The following PCDH15 variants were observed in gnomAD, a reference collection of about 807,000 sequenced individuals.
The protein encoded by PCDH15 is protocadherin-15.
A neutral mutation model predicts 178.5 loss-of-function variants in PCDH15; 129 were observed. The observed-to-expected ratio is 0.72, with a 90% CI of 0.63 to 0.84. The LOEUF is 0.84. Ranked by LOEUF, PCDH15 falls within the 40% of genes least tolerant of loss-of-function variation. The pLI is 0.00. For missense variants in PCDH15, 2,230 were observed against 2,099.9 expected, an observed-to-expected ratio of 1.06 and a Z score of -1.21; for synonymous variants, 800 against 732.0, an observed-to-expected ratio of 1.09 and a Z score of -1.50.
chr10:55,447,428 A>AG (rs1230919462), intron 2 of PCDH15, among the ~76,000 whole-genome samples: 3 of 152,032 alleles, frequency 2.0e-5, no homozygotes, highest in African/African-American at 7.2e-5. Context: ...TGCTTCCTTA[A>AG]TAAGCCCTTT....
At chr10:54,594,871 C>T (rs893311417) in intron 2 of PCDH15, among the ~76,000 whole-genome samples, 12 of 152,204 alleles carry the variant, frequency 7.9e-5, no homozygotes, top group African/African-American at 2.9e-4. Context: ...TGTGCCAAAA[C>T]TGCTGGCATG....
At chr10:54,855,940 G>A (rs1296273670) in intron 3 of PCDH15, among the ~76,000 whole-genome samples, 1 of 152,092 alleles carries the variant, frequency 6.6e-6, no homozygotes. Context: ...CAATTTATAG[G>A]GAAAAATAGA....
In PCDH15 at chr10:54,901,875, T is replaced by C. The variant is rs565093223; in HGVS notation, c.-79-4375A>G. Reference sequence around the variant, plus strand: ...CAATGTATTTGGGAGATAACCTAATTATTATGGAATGCATTAATTTCTTCT... The same window carrying C: ...CAATGTATTTGGGAGATAACCTAATCATTATGGAATGCATTAATTTCTTCT... On this transcript the variant is annotated intron_variant, in intron 2 of 5. Transcript: ENST00000458638. Among the ~76,000 whole-genome samples, 6 of 152,326 alleles carry C rather than the reference T, an allele frequency of 3.9e-5. No homozygotes were observed. In the East Asian group the frequency reaches 9.6e-4, roughly 24 times the overall value.
chr10:54,611,778 T>C (rs1329655300), intron 2 of PCDH15, among the ~76,000 whole-genome samples: 1 of 151,880 alleles, frequency 6.6e-6, no homozygotes, highest in Non-Finnish European at 1.5e-5. Flanking sequence ...TCATCAGCTT[T>C]CTGTATTTCT....
intron 1 of PCDH15, among the ~76,000 whole-genome samples, chr10:54,719,651 A>G (rs986525695): frequency 1.3e-5 from 2 of 151,924 alleles, no homozygotes; most frequent in African/African-American, 4.8e-5. Flanking sequence ...TGCATTAGCT[A>G]TTTGTCCTAA....
chr10:55,397,849 A>G (rs1358101146), intron 2 of PCDH15, among the ~76,000 whole-genome samples: 1 of 151,734 alleles, frequency 6.6e-6, no homozygotes. Flanking sequence ...TCGGCCTCTC[A>G]AAGTGTTGGG....
In PCDH15 at chr10:53,938,847, A is replaced by G; in HGVS notation, c.3341T>C (p.Val1114Ala). ...AGGAACTCGGAGATTGGCAAGGACC[A>G]CTTCCAGGGAATCAGCTTGGACTCG... Reference protein sequence around the residue: ...VLRVQADSLEVVLANLRVPSK... With the variant: ...VLRVQADSLEAVLANLRVPSK... The change falls in exon 25 of 38, where the codon GTG (valine) becomes GCG (alanine). Residue 1114 changes from valine to alanine, a missense_variant. By Grantham distance (64) the Val-to-Ala change is moderately conservative (BLOSUM62 0). Coordinates refer to ENST00000644397, the MANE Select transcript of PCDH15 (RefSeq NM_001384140.1). 6.2e-7 allele frequency: 1 copy of G among 1,613,618 alleles called. No homozygotes were observed. Among genetic ancestry groups the G allele is most frequent in the Non-Finnish European group, 8.5e-7 (1 of 1,179,654 alleles).
At chr10:54,784,480 G>A (rs1950658250) in intron 1 of PCDH15, among the ~76,000 whole-genome samples, 1 of 151,722 alleles carries the variant, frequency 6.6e-6, no homozygotes. Context: ...AATAAAAGTT[G>A]GTCAAAAATA....
intron 3 of PCDH15, among the ~76,000 whole-genome samples, chr10:54,465,488 T>C (rs1020401260): frequency 6.6e-6 from 1 of 152,010 alleles, no homozygotes; most frequent in Admixed American, 6.6e-5. Flanking sequence ...AGTGAGAACA[T>C]GTGATAATTG....
chr10:54,744,003 C>G (rs998086162), intron 1 of PCDH15, among the ~76,000 whole-genome samples: 4 of 152,068 alleles, frequency 2.6e-5, no homozygotes, highest in African/African-American at 9.7e-5. Flanking sequence ...TGAGCTTAAT[C>G]ACTTCCAAGT....
At chr10:54,072,868 C>T (rs1188814483) in intron 17 of PCDH15, among the ~76,000 whole-genome samples, 2 of 152,072 alleles carry the variant, frequency 1.3e-5, no homozygotes, top group Non-Finnish European at 2.9e-5. Flanking sequence ...TACATCTAGA[C>T]CACAATTTTA....
At chr10:54,134,658 C>A (rs1445066465) in intron 14 of PCDH15, among the ~76,000 whole-genome samples, 2 of 150,318 alleles carry the variant, frequency 1.3e-5, no homozygotes, top group Non-Finnish European at 1.5e-5. Context: ...GAGGCTGAGG[C>A]AGGAGAATGG....
chr10:54,930,814 C>T (rs1343412007), intron 2 of PCDH15, among the ~76,000 whole-genome samples: 2 of 152,050 alleles, frequency 1.3e-5, no homozygotes, highest in African/African-American at 2.4e-5. Flanking sequence ...GTTAATAGTT[C>T]TTGTTTGATT....
At chr10:53,857,132 T>C (rs746982830) in intron 28 of PCDH15, 43 bp downstream of exon 28, 2 of 1,329,654 alleles carry the variant, frequency 1.5e-6, no homozygotes, top group South Asian at 2.5e-5. Context: ...TTAAAAATCA[T>C]GGTCATATAA....
intron 2 of PCDH15, among the ~76,000 whole-genome samples, chr10:55,603,043 A>AGGAGCTGAT (rs1365358703): frequency 6.6e-6 from 1 of 152,108 alleles, no homozygotes; most frequent in African/African-American, 2.4e-5. Context: ...AAGTGCTTAA[A>AGGAGCTGAT]GGAGCTGATG....
At chr10:54,638,875 GT>G (rs139148497) in intron 2 of PCDH15, among the ~76,000 whole-genome samples, 3 of 150,614 alleles carry the variant, frequency 2.0e-5, no homozygotes, top group African/African-American at 2.4e-5. Flanking sequence ...ACGAAATTAT[GT>G]TTTTTTTTGC....
chr10:54,438,605 G>A (rs1223599518), intron 3 of PCDH15, among the ~76,000 whole-genome samples: 1 of 152,008 alleles, frequency 6.6e-6, no homozygotes, highest in Non-Finnish European at 1.5e-5. Flanking sequence ...AATTTTGAAA[G>A]CCAGAAGCAG....
intron 3 of PCDH15, among the ~76,000 whole-genome samples, chr10:54,383,313 T>C (rs1949466335): frequency 2.0e-5 from 3 of 151,736 alleles, no homozygotes; most frequent in Admixed American, 1.3e-4. Context: ...ACAGTAACCG[T>C]TGATAACTTT....
intron 15 of PCDH15, among the ~76,000 whole-genome samples, chr10:54,093,395 G>T (rs944916650): frequency 4.1e-4 from 63 of 152,124 alleles, no homozygotes; most frequent in African/African-American, 1.5e-3. Flanking sequence ...AAAGCAAAAG[G>T]AAATGGTGTA....
Sources: gnomAD v4.1 joint callset for allele counts (sites outside exome capture counted in the v4.1 genomes callset) on GRCh38, gnomAD v4.1.1 for gene constraint, MANE v1.5 for transcripts, NCBI Gene and HGNC (gene_info 2026-07-23, HGNC 2026-07-21) for gene names.